The following B3GALNT2 variants were observed in gnomAD, a reference collection of about 807,000 sequenced individuals.
The protein encoded by B3GALNT2 is UDP-GalNAc:beta-1,3-N-acetylgalactosaminyltransferase 2.
Under a neutral mutation model 61.1 loss-of-function variants are expected in B3GALNT2, and 53 were observed. The ratio of observed to expected loss-of-function variants is 0.87; its 90% CI spans 0.70 to 1.09. B3GALNT2 has a LOEUF of 1.09. B3GALNT2 is among the 50% of genes least tolerant of loss of function. B3GALNT2 has a pLI of 0.00. For missense variants in B3GALNT2, 544 were observed against 623.0 expected, an observed-to-expected ratio of 0.87 and a Z score of 1.35; for synonymous variants, 223 against 237.4, an observed-to-expected ratio of 0.94 and a Z score of 0.56.
intron 9 of B3GALNT2, 92 bp from the exon 10 acceptor site, chr1:235,454,407 A>G: frequency 8.1e-7 from 1 of 1,229,672 alleles, no homozygotes; most frequent in Non-Finnish European, 1.1e-6. Flanking sequence ...CTACAAAGGA[A>G]TAAGCTTGTA....
chr1:235,487,787 G>A (rs1420533251), intron 3 of B3GALNT2, among the ~76,000 whole-genome samples: 7 of 151,990 alleles, frequency 4.6e-5, no homozygotes, highest in African/African-American at 7.2e-5. Flanking sequence ...GCTTTCTTTC[G>A]TTGTCTTTGT....
In B3GALNT2 at chr1:235,504,364, C is replaced by A; in HGVS notation, c.-112G>T. On this transcript the variant is annotated 5_prime_UTR_variant, in exon 1 of 12. Transcript: ENST00000366600. ...TGACGAGCGACCACTCCGAGCACGC[C>A]CGCCCTCGCGCTCGGCGACGTCTGG... The A allele has an allele frequency of 8.0e-7, 1 of 1,243,190 alleles. No individual in the cohort carries two copies. The highest frequency in any genetic ancestry group is 1.1e-6 in the Non-Finnish European group (1 of 942,808). The allele number at this position is 1,243,190 out of a possible 1,614,324, so 77.0% of individuals were successfully genotyped here.
Position 235,465,692 on chromosome 1 carries a change from T to G in B3GALNT2, c.785A>C (p.His262Pro). ...VITAGEGALP[H>P]EFLEGVEGVA... ...TCCCTCCACACCTTCCAAGAATTCA[T>G]GAGGCAATGCACCCTCCCCAGCCTG... The change falls in exon 7 of 12, where the codon CAT becomes CCT. Residue 262 changes from histidine to proline, a missense_variant. By Grantham distance (77) the His-to-Pro change is moderately conservative. Transcript: ENST00000366600. The G allele has an allele frequency of 6.2e-7, 1 of 1,614,064 alleles. No homozygotes were observed. The highest frequency in any genetic ancestry group is 8.5e-7 in the Non-Finnish European group (1 of 1,180,010).
rs79203362 is a variant in B3GALNT2 at position 235,448,610 on chromosome 1, T to A, written c.*1596A>T. 6.8e-7 allele frequency: 1 copy of A among 1,464,346 alleles called. No individual in the cohort carries two copies. Among genetic ancestry groups the A allele is most frequent in the Non-Finnish European group, 9.6e-7 (1 of 1,044,164 alleles). 90.7% of individuals were successfully genotyped at this position (1,464,346 alleles called of 1,614,324 possible). A position where few individuals can be genotyped will look rare whatever the true frequency, so the allele number is the denominator to read the frequency against. ...GGACGGGGTGGGGGAAGAGTATGTG[T>A]AGCATGCTTTATCGGATCTGTCTTA... On this transcript the variant is annotated 3_prime_UTR_variant, in exon 12 of 12. Transcript: ENST00000366600.
At chr1:235,484,735 T>A (rs1183406511) in intron 3 of B3GALNT2, 24 of 773,060 alleles carry the variant, frequency 3.1e-5, no homozygotes, top group Non-Finnish European at 4.6e-5. Flanking sequence ...CTAAGTAAGT[T>A]AATTATCAGA....
downstream of B3GALNT2, among the ~76,000 whole-genome samples, chr1:235,443,999 T>C (rs758703012): frequency 1.7e-4 from 26 of 152,196 alleles, no homozygotes; most frequent in Non-Finnish European, 3.4e-4. Flanking sequence ...AAAATATAAA[T>C]AATTTAGAGC....
chr1:235,449,313 T>C lies in B3GALNT2; in HGVS notation c.*893A>G, dbSNP rs1475772519. The C allele has an allele frequency of 6.3e-6, 1 of 157,776 alleles. No homozygotes were observed. The highest frequency in any genetic ancestry group is 1.4e-5 in the Non-Finnish European group (1 of 71,960). 9.8% of individuals were successfully genotyped at this position (157,776 alleles called of 1,614,324 possible). On this transcript the variant is annotated 3_prime_UTR_variant, in exon 12 of 12. Coordinates refer to ENST00000366600, the MANE Select transcript of B3GALNT2 (RefSeq NM_152490.5). ...CCTACAATTATACCTAAGCTGAGTATATCTTCTTCTGTGATAACCAGCTTT... is the reference window on the plus strand; with the variant it reads ...CCTACAATTATACCTAAGCTGAGTACATCTTCTTCTGTGATAACCAGCTTT...
intron 6 of B3GALNT2, 92 bp from the exon 7 acceptor site, chr1:235,465,806 C>G: frequency 7.0e-7 from 1 of 1,438,646 alleles, no homozygotes; most frequent in Non-Finnish European, 9.6e-7. Context: ...TAATATGACT[C>G]CACTTGCAGC....
Position 235,447,736 on chromosome 1 carries a change from TGA to T in B3GALNT2, c.*2468_*2469del, listed in dbSNP as rs1324472464. Among the ~76,000 whole-genome samples the T allele has an allele frequency of 6.6e-6, 1 of 152,204 alleles. No individual in the cohort carries two copies. The highest frequency in any genetic ancestry group is 1.5e-5 in the Non-Finnish European group (1 of 68,032). On this transcript the variant is annotated 3_prime_UTR_variant, in exon 12 of 12. Coordinates refer to ENST00000366600, the MANE Select transcript of B3GALNT2 (RefSeq NM_152490.5). Reference sequence around the variant, plus strand: ...ACTCGCTCCCTTTATTCTTCTGTGCTGAGAGTATCATTCTGGTTTATTCAGAT... The same window carrying T: ...ACTCGCTCCCTTTATTCTTCTGTGCTGAGTATCATTCTGGTTTATTCAGAT...
intron 5 of B3GALNT2, among the ~76,000 whole-genome samples, chr1:235,474,323 A>G (rs762757132): frequency 6.6e-6 from 1 of 152,224 alleles, no homozygotes; most frequent in Non-Finnish European, 1.5e-5. Context: ...GAAAAATGAG[A>G]TATCATATCT....
At chr1:235,472,619 G>C (rs768942551) in intron 5 of B3GALNT2, among the ~76,000 whole-genome samples, 17 of 152,208 alleles carry the variant, frequency 1.1e-4, no homozygotes, top group Non-Finnish European at 2.5e-4. Context: ...TGCATCCCCA[G>C]CATCGAGCCT....
intron 11 of B3GALNT2, chr1:235,451,509 A>C (rs150249825): frequency 6.6e-6 from 1 of 151,872 alleles, no homozygotes; most frequent in Non-Finnish European, 1.5e-5. Context: ...ATCAGAAAAC[A>C]AGCGCCATGA....
chr1:235,442,007 A>ATTTTTTTTTTTTTT, the B3GALNT2 span: 1 of 829,028 alleles, frequency 1.2e-6, no homozygotes, highest in Non-Finnish European at 1.9e-6. Flanking sequence ...TTTAAATGAA[A>ATTTTTTTTTTTTTT]ATTTTTTTTT....
intron 6 of B3GALNT2, among the ~76,000 whole-genome samples, chr1:235,466,803 C>A (rs1193102963): frequency 6.6e-6 from 1 of 152,144 alleles, no homozygotes; most frequent in Non-Finnish European, 1.5e-5. Context: ...AACTGTTTTA[C>A]TTCTGTATAC....
downstream of B3GALNT2, among the ~76,000 whole-genome samples, chr1:235,446,388 G>A (rs1476165883): frequency 6.6e-6 from 1 of 152,040 alleles, no homozygotes; most frequent in Non-Finnish European, 1.5e-5. Context: ...TGTTGGCCAG[G>A]CTGGTCTCAA....
chr1:235,474,983 A>ATTTTTTTT (rs1558425497), intron 5 of B3GALNT2, among the ~76,000 whole-genome samples: 1 of 39,012 alleles, frequency 2.6e-5, no homozygotes, highest in Non-Finnish European at 4.2e-5. Flanking sequence ...ATATATATAT[A>ATTTTTTTT]TATATTTTTT....
intron 6 of B3GALNT2, 82 bp downstream of exon 6, chr1:235,470,768 C>T (rs1263132981): frequency 2.7e-5 from 41 of 1,534,396 alleles, no homozygotes; most frequent in Non-Finnish European, 2.9e-5. Flanking sequence ...GCTGCCTGGG[C>T]TCTAAGGTAA....
chr1:235,450,458 A>G, intron 11 of B3GALNT2, 118 bp from the exon 12 acceptor site: 24 of 1,290,766 alleles, frequency 1.9e-5, no homozygotes, highest in Non-Finnish European at 2.6e-5. Flanking sequence ...TTTCAAGGAT[A>G]ACTCCGTGTG....
chr1:235,490,769 CTT>C (rs1271151632), intron 2 of B3GALNT2, among the ~76,000 whole-genome samples: 3 of 151,854 alleles, frequency 2.0e-5, no homozygotes, highest in Non-Finnish European at 4.4e-5. Flanking sequence ...AAATTAATCA[CTT>C]AATGTTTTAC....
Sources: allele counts gnomAD v4.1 joint callset (sites outside exome capture counted in the v4.1 genomes callset), GRCh38; gene constraint gnomAD v4.1.1; transcripts MANE v1.5; gene names NCBI Gene and HGNC (gene_info 2026-07-23, HGNC 2026-07-21).